Variants in NPAS3 observed in about 807,000 individuals in gnomAD.
The protein encoded by NPAS3 is neuronal PAS domain-containing protein 3.
In NPAS3, 14 loss-of-function variants were observed where a neutral mutation model predicts 73.1. The observed-to-expected ratio is 0.19, with a 90% CI of 0.13 to 0.30. The LOEUF (loss-of-function observed/expected upper bound fraction) is 0.30, where lower values mean the gene tolerates loss of function less well. Among genes scored for constraint, NPAS3 ranks in the 10% least tolerant of loss-of-function variants. NPAS3 has a pLI of 1.00. For missense variants in NPAS3, 1,096 were observed against 1,250.0 expected (o/e 0.88, Z 1.86); for synonymous variants, 620 against 541.5 (o/e 1.14, Z -2.01).
intron 5 of NPAS3, among the ~76,000 whole-genome samples, chr14:33,570,694 C>T (rs1454981638): frequency 6.6e-6 from 1 of 152,146 alleles, no homozygotes; most frequent in East Asian, 1.9e-4. Flanking sequence ...GCAACCTTGG[C>T]TGTAGCATAC....
intron 3 of NPAS3, among the ~76,000 whole-genome samples, chr14:33,357,139 G>A (rs1188257429): frequency 6.6e-6 from 1 of 152,198 alleles, no homozygotes; most frequent in Non-Finnish European, 1.5e-5. Context: ...CATAGTTACC[G>A]TTGAAAATTG....
rs529532746 is a variant in NPAS3, at chr14:33,305,558, A to G, written c.386-61628A>G. Among the ~76,000 whole-genome samples, 6 of 152,290 alleles carry G rather than the reference A, an allele frequency of 3.9e-5. No homozygotes were observed. The South Asian group carries it at 1.2e-3, about 32-fold the overall frequency. ...TCATGTCTGATTTTTAAAACAAATC[A>G]AGTAAGTATTTTCTGGTTATATATT... On this transcript the variant is annotated intron_variant, in intron 3 of 11. Coordinates refer to ENST00000356141, the Ensembl canonical transcript of NPAS3.
At chr14:33,635,805 T>C (rs74492151) in intron 5 of NPAS3, among the ~76,000 whole-genome samples, 1 of 152,348 alleles carries the variant, frequency 6.6e-6, no homozygotes, top group East Asian at 1.9e-4. Flanking sequence ...TTTCTTCTAA[T>C]CCTTGAGATC....
chr14:33,143,852 C>A (rs1267725723), intron 2 of NPAS3, among the ~76,000 whole-genome samples: 2 of 152,094 alleles, frequency 1.3e-5, no homozygotes, highest in African/African-American at 2.4e-5. Flanking sequence ...TTTCACTGAG[C>A]CTAATGTTTT....
rs954724453 is a variant in NPAS3 at position 33,344,606 on chromosome 14, T to C, written c.386-22580T>C. ...TGAACCTCAGGCTTATGGAATGACA[T>C]TCTATACCTTCATTTTTAACTCTTA... On this transcript the variant is annotated intron_variant, in intron 3 of 11. Transcript: ENST00000356141. 1.3e-4 allele frequency among the ~76,000 whole-genome samples: 20 copies of C among 152,250 alleles called. 1 individual carries two copies.
chr14:33,162,811 A>G (rs1323830641), intron 2 of NPAS3, among the ~76,000 whole-genome samples: 1 of 152,206 alleles, frequency 6.6e-6, no homozygotes, highest in African/African-American at 2.4e-5. Flanking sequence ...ATTATTTTTC[A>G]AAAGTTTGCT....
chr14:33,200,058 A>G (rs2046556120), intron 2 of NPAS3, among the ~76,000 whole-genome samples: 1 of 151,986 alleles, frequency 6.6e-6, no homozygotes. Context: ...TTAATTTTTA[A>G]TAAAAGATTC....
chr14:33,613,808 T>C (rs890953022), intron 5 of NPAS3, among the ~76,000 whole-genome samples: 1 of 152,142 alleles, frequency 6.6e-6, no homozygotes, highest in African/African-American at 2.4e-5. Context: ...GATCCTTCTT[T>C]GACCTCAAGG....
chr14:33,098,645 C>T (rs749296501), intron 2 of NPAS3, among the ~76,000 whole-genome samples: 5 of 152,108 alleles, frequency 3.3e-5, no homozygotes, highest in African/African-American at 7.2e-5. Flanking sequence ...ACCAAAGTTC[C>T]GGTCTCTACA....
chr14:33,431,063 C>T (rs539515470), intron 4 of NPAS3, among the ~76,000 whole-genome samples: 14 of 152,198 alleles, frequency 9.2e-5, no homozygotes, highest in South Asian at 4.1e-4. Context: ...TTAAAATGCA[C>T]GTGGGAAATG....
intron 5 of NPAS3, among the ~76,000 whole-genome samples, chr14:33,585,019 AG>A (rs1360472380): frequency 3.9e-5 from 6 of 152,150 alleles, no homozygotes; most frequent in Non-Finnish European, 8.8e-5. Context: ...TTTAGAATAA[AG>A]TTCTGCAGCA....
intron 4 of NPAS3, among the ~76,000 whole-genome samples, chr14:33,387,507 C>G (rs189712943): frequency 3.9e-3 from 599 of 152,282 alleles, no homozygotes; most frequent in Non-Finnish European, 5.2e-3. Flanking sequence ...CAGGATATTA[C>G]ATGCACTTTG....
At chr14:33,082,703 G>A (rs1396389174) in intron 2 of NPAS3, among the ~76,000 whole-genome samples, 1 of 152,220 alleles carries the variant, frequency 6.6e-6, no homozygotes, top group Non-Finnish European at 1.5e-5. Flanking sequence ...GCTGGCCCAA[G>A]TTTAGAATCT....
chr14:32,953,965 A>T (rs964637239), intron 1 of NPAS3, among the ~76,000 whole-genome samples: 5 of 152,188 alleles, frequency 3.3e-5, no homozygotes, highest in African/African-American at 1.2e-4. Flanking sequence ...TGTCTGCAAG[A>T]TGTGCAGAAA....
intron 3 of NPAS3, among the ~76,000 whole-genome samples, chr14:33,356,074 C>A (rs978600707): frequency 6.6e-6 from 1 of 152,182 alleles, no homozygotes; most frequent in East Asian, 1.9e-4. Context: ...ACTAACAGTG[C>A]CTGGCACTGG....
At position 33,746,065 on chromosome 14, in the gene NPAS3, C is replaced by A. The variant is rs187930989; in HGVS notation, c.852+10733C>A. ...GAGCATCTATATCCCAGAAACTGAA[C>A]CTGCGGGGAAGGCAAACTGCCCCTG... On this transcript the variant is annotated intron_variant, in intron 7 of 11. Coordinates refer to ENST00000356141, the Ensembl canonical transcript of NPAS3. Among the ~76,000 whole-genome samples the A allele has an allele frequency of 2.1e-3, 317 of 152,292 alleles. 1 individual carries two copies. The highest frequency in any genetic ancestry group is 3.4e-3 in the Non-Finnish European group (233 of 68,010).
upstream of NPAS3, chr14:32,935,109 A>G (rs2138990741): frequency 1.9e-6 from 1 of 529,294 alleles, no homozygotes; most frequent in Non-Finnish European, 2.6e-6. Context: ...GCACATTGCC[A>G]GGGCTCACTT....
At chr14:33,701,698 G>A (rs1244677570) in intron 6 of NPAS3, among the ~76,000 whole-genome samples, 1 of 152,154 alleles carries the variant, frequency 6.6e-6, no homozygotes, top group Non-Finnish European at 1.5e-5. Flanking sequence ...AGTATTTAGA[G>A]CAACTCTTTA....
chr14:33,517,658 T>G (rs1305445372), intron 4 of NPAS3, among the ~76,000 whole-genome samples: 2 of 152,058 alleles, frequency 1.3e-5, no homozygotes, highest in Non-Finnish European at 2.9e-5. Context: ...TCCTTTTAGC[T>G]CCTCACTCCT....
Sources: allele counts gnomAD v4.1 joint callset (sites outside exome capture counted in the v4.1 genomes callset), GRCh38; gene constraint gnomAD v4.1.1; transcripts MANE v1.5; gene names NCBI Gene and HGNC (gene_info 2026-07-23, HGNC 2026-07-21).